The following IL3RA variants were observed in gnomAD, a reference collection of about 807,000 sequenced individuals.
IL3RA encodes interleukin 3 receptor subunit alpha.
IL3RA carries 73 observed loss-of-function variants against 52.3 expected under a neutral mutation model. That is an observed-to-expected ratio of 1.40 (90% confidence interval 1.16 to 1.70). The LOEUF is 1.70. Ranked by LOEUF, IL3RA falls within the 40% of genes most tolerant of loss-of-function variation. The pLI, the probability that IL3RA is intolerant of heterozygous loss-of-function variation, is 0.00. For missense variants in IL3RA, 664 were observed against 504.4 expected, an observed-to-expected ratio of 1.32 and a Z score of -3.03; for synonymous variants, 260 against 194.0, an observed-to-expected ratio of 1.34 and a Z score of -2.83.
At chrX:1,340,680 G>A (rs2085454487) in intron 1 of IL3RA, among the ~76,000 whole-genome samples, 1 of 152,148 alleles carries the variant, frequency 6.6e-6, no homozygotes, top group Non-Finnish European at 1.5e-5. Flanking sequence ...GTGTGTACCT[G>A]CATGCATGAA....
rs186290397 is a variant in IL3RA at position 1,379,018 on chromosome X, T to C, written c.980+254T>C. On this transcript the variant is annotated intron_variant, in intron 10 of 11. Coordinates refer to ENST00000331035, the MANE Select transcript of IL3RA (RefSeq NM_002183.4). ...GCAACACACCCAGCTAATTTTTGTA[T>C]TTTTAGTAGAGACGGGGTTTTGCCA... is the stretch of plus-strand genomic sequence containing the variant. Among the ~76,000 whole-genome samples, 43 of 151,944 alleles carry C rather than the reference T, an allele frequency of 2.8e-4. No individual in the cohort carries two copies. The East Asian group carries it at 7.4e-3, about 26-fold the overall frequency.
intron 1 of IL3RA, among the ~76,000 whole-genome samples, chrX:1,339,034 T>G (rs768521327): frequency 3.0e-3 from 460 of 152,202 alleles, no homozygotes; most frequent in Admixed American, 5.7e-3. Context: ...GTTTAGTATG[T>G]TTTGTATGTT....
chrX:1,341,741 CCTGCGTTCCGGAG>C lies in IL3RA; in HGVS notation c.-15_-3del. 6.2e-7 allele frequency: 1 copy of C among 1,613,550 alleles called. No homozygotes were observed. Among genetic ancestry groups the C allele is most frequent in the Non-Finnish European group, 8.5e-7 (1 of 1,179,706 alleles). On this transcript the variant is annotated 5_prime_UTR_variant, in exon 2 of 12. Transcript: ENST00000331035. ...TTTCTCCTGCAGCAGGCACCTCTGT[CCTGCGTTCCGGAG>C]CTGCGTTCCCGATGGTCCTCCTTTG... is the stretch of plus-strand genomic sequence containing the variant.
rs182203176 is a variant in IL3RA, at chrX:1,345,434, G to A, written c.183G>A (p.Pro61=). The A allele has an allele frequency of 1.0e-4, 161 of 1,548,770 alleles. 1 individual carries two copies. The East Asian group carries it at 1.4e-3, about 13-fold the overall frequency. Residue 61 remains proline, a splice_region_variant and synonymous_variant, in exon 3 of 12, where the codon CCG becomes CCA. Transcript: ENST00000331035. ...ECVKDADYSM[P]AVNNSYCQFG... Reference sequence around the variant, plus strand: ...TTAAAGACGCCGACTATTCTATGCCGGTAAATCATACTCTCTATTGTTTTT... The same window carrying A: ...TTAAAGACGCCGACTATTCTATGCCAGTAAATCATACTCTCTATTGTTTTT...
At chrX:1,355,756 A>C (rs753140339) in intron 6 of IL3RA, among the ~76,000 whole-genome samples, 7 of 151,966 alleles carry the variant, frequency 4.6e-5, no homozygotes, top group Non-Finnish European at 1.5e-5. Flanking sequence ...TGAATGATGC[A>C]GAGAGGGCCT....
Position 1,341,721 on chromosome X carries a change from C to T in IL3RA, c.-38-7C>T. 6.2e-7 allele frequency: 1 copy of T among 1,611,162 alleles called. No individual in the cohort carries two copies. On this transcript the variant is annotated splice_region_variant and splice_polypyrimidine_tract_variant and intron_variant, in intron 1 of 11. Transcript: ENST00000331035. ...TCCCCGCTGCCTGACTCTCGTTTCT[C>T]CTGCAGCAGGCACCTCTGTCCTGCG...
chrX:1,351,869 A>T (rs2086100119), intron 4 of IL3RA, among the ~76,000 whole-genome samples: 1 of 151,906 alleles, frequency 6.6e-6, no homozygotes, highest in Non-Finnish European at 1.5e-5. Context: ...ACCTCGGGTG[A>T]TCCACCTGCC....
In IL3RA at chrX:1,344,665, C is replaced by A. The variant is rs1294334421; in HGVS notation, c.65-651C>A. On this transcript the variant is annotated intron_variant, in intron 2 of 11. Coordinates refer to ENST00000331035, the MANE Select transcript of IL3RA (RefSeq NM_002183.4). ...GTGGGCTCCTGTAATCCTAGCTACT[C>A]GGGAGGCTGAGGCAGGAGAATCGCT... Among the ~76,000 whole-genome samples the A allele has an allele frequency of 4.0e-5, 6 of 150,822 alleles. No homozygotes were observed. In the South Asian group the frequency reaches 1.3e-3, roughly 32 times the overall value.
intron 9 of IL3RA, among the ~76,000 whole-genome samples, chrX:1,367,985 G>C (rs1467370905): frequency 2.0e-5 from 3 of 152,016 alleles, no homozygotes; most frequent in Non-Finnish European, 4.4e-5. Context: ...AAACAAGGTC[G>C]TCCCACTGAC....
Position 1,381,035 on chromosome X carries a change from GC to G in IL3RA, c.994del (p.Gln332ArgfsTer10), listed in dbSNP as rs1408760395. 8 of 1,613,862 alleles carry G rather than the reference GC, an allele frequency of 5.0e-6. No homozygotes were observed. Among genetic ancestry groups the G allele is most frequent in the Non-Finnish European group, 6.8e-6 (8 of 1,179,790 alleles). On this transcript the variant is annotated frameshift_variant, in exon 11 of 12. Coordinates refer to ENST00000331035, the MANE Select transcript of IL3RA (RefSeq NM_002183.4). LOFTEE classifies it high-confidence loss of function. ...FVICRRYLVM[Q>X]RLFPRIPHMK... is the part of the protein sequence containing the mutation. Reference sequence around the variant, plus strand: ...TCTTTCCTCCGAGGTATCTGGTGATGCAGAGACTCTTTCCCCGCATCCCTCA... The same window carrying G: ...TCTTTCCTCCGAGGTATCTGGTGATGAGAGACTCTTTCCCCGCATCCCTCA...
intron 3 of IL3RA, 80 bp downstream of exon 3, chrX:1,345,514 G>C (rs765402290): frequency 1.6e-3 from 1,658 of 1,020,382 alleles, no homozygotes; most frequent in Non-Finnish European, 2.0e-3. Context: ...TTTTGAGACG[G>C]AGTCTTGCTC....
chrX:1,342,326 C>T (rs1246286031), intron 2 of IL3RA, among the ~76,000 whole-genome samples: 6 of 151,628 alleles, frequency 4.0e-5, no homozygotes, highest in Admixed American at 1.3e-4. Context: ...CCACCATACC[C>T]GGCTAATTTC....
intron 8 of IL3RA, 31 bp from the exon 9 acceptor site, chrX:1,365,107 C>A: frequency 7.2e-6 from 11 of 1,522,918 alleles, no homozygotes; most frequent in Non-Finnish European, 9.1e-6. Flanking sequence ...CCATACCTGG[C>A]CCCTCTTCTT....
At position 1,378,735 on chromosome X, in the gene IL3RA, CCTGGT is replaced by C; in HGVS notation, c.955_959del (p.Val319CysfsTer27). 1.9e-6 allele frequency: 3 copies of C among 1,612,496 alleles called. No individual in the cohort carries two copies. Among genetic ancestry groups the C allele is most frequent in the Non-Finnish European group, 2.5e-6 (3 of 1,179,846 alleles). ...TGATCGCGCTGGGGACGCTGCTGGCCCTGGTCTGTGTCTTCGTGATCTGCAGAAGG... is the reference window on the plus strand; with the variant it reads ...TGATCGCGCTGGGGACGCTGCTGGCCCTGTGTCTTCGTGATCTGCAGAAGG... On this transcript the variant is annotated frameshift_variant, in exon 10 of 12. Coordinates refer to ENST00000331035, the MANE Select transcript of IL3RA (RefSeq NM_002183.4). LOFTEE classifies it high-confidence loss of function.
At chrX:1,348,788 CTTCT>C (rs200546026) in intron 4 of IL3RA, among the ~76,000 whole-genome samples, 2,857 of 142,824 alleles carry the variant, frequency 0.02, 78 homozygotes, top group Middle Eastern at 0.052. Flanking sequence ...CCCTCCCTCC[CTTCT>C]TTCTTTTCTT....
chrX:1,356,366 C>G (rs776305451), intron 7 of IL3RA, 30 bp downstream of exon 7: 17 of 1,430,884 alleles, frequency 1.2e-5, no homozygotes, highest in South Asian at 4.8e-5. Flanking sequence ...CCAGCCCCCC[C>G]ACCCCCGTGG....
Position 1,349,432 on chromosome X carries a change from G to A in IL3RA, c.298+887G>A, listed in dbSNP as rs185295585. On this transcript the variant is annotated intron_variant, in intron 4 of 11. Transcript: ENST00000331035. ...CCTGACTTCGTGATCTGCCCGCCTC[G>A]GCCTCCCAAAGTGCTGGGAGTACAG... 5.7e-4 allele frequency among the ~76,000 whole-genome samples: 86 copies of A among 151,326 alleles called. No individual in the cohort carries two copies. The East Asian group carries it at 0.015, about 26-fold the overall frequency.
At chrX:1,363,934 G>A (rs1236121126) in intron 8 of IL3RA, among the ~76,000 whole-genome samples, 1 of 151,906 alleles carries the variant, frequency 6.6e-6, no homozygotes, top group Non-Finnish European at 1.5e-5. Context: ...GGTAATCCCA[G>A]CCCTTTGGGA....
intron 3 of IL3RA, 143 bp from the exon 4 acceptor site, chrX:1,348,288 G>C (rs1172624218): frequency 2.9e-6 from 2 of 692,356 alleles, no homozygotes; most frequent in Middle Eastern, 4.1e-4. Context: ...GGGAGGGAGA[G>C]GCTGCAGTGA....
Sources: allele counts gnomAD v4.1 joint callset (sites outside exome capture counted in the v4.1 genomes callset), GRCh38; gene constraint gnomAD v4.1.1; transcripts MANE v1.5; gene names NCBI Gene and HGNC (gene_info 2026-07-23, HGNC 2026-07-21).